The following NXPE2 variants were observed in gnomAD, a reference collection of about 807,000 sequenced individuals.
NXPE2 encodes the protein NXPE family member 2.
A neutral mutation model predicts 34.4 loss-of-function variants in NXPE2; 34 were observed. The observed-to-expected ratio is 0.99, with a 90% CI of 0.75 to 1.31. The LOEUF (loss-of-function observed/expected upper bound fraction) is 1.31, where lower values mean the gene tolerates loss of function less well. Ranked by LOEUF, NXPE2 falls within the 40% of genes most tolerant of loss-of-function variation. The pLI, the probability that NXPE2 is intolerant of heterozygous loss-of-function variation, is 0.00. For missense variants in NXPE2, 649 were observed against 672.5 expected, an observed-to-expected ratio of 0.97 and a Z score of 0.39; for synonymous variants, 235 against 231.3, an observed-to-expected ratio of 1.02 and a Z score of -0.15.
At chr11:114,518,147 C>T in the NXPE2 span, 1 of 152,214 alleles carries the variant, frequency 6.6e-6, no homozygotes, top group African/African-American at 2.4e-5. Flanking sequence ...ACCAGCACTC[C>T]TTTTTCCTTA....
chr11:114,729,676 C>G, the NXPE2 span, among the ~76,000 whole-genome samples: 5 of 152,020 alleles, frequency 3.3e-5, no homozygotes, highest in Non-Finnish European at 7.4e-5. Flanking sequence ...GGCATTTTTT[C>G]ACATTCGTTG....
At chr11:114,580,345 A>G in the NXPE2 span, 3 of 1,612,674 alleles carry the variant, frequency 1.9e-6, no homozygotes, top group African/African-American at 2.7e-5. Flanking sequence ...TCTTCTGCCA[A>G]AGAATCAATG....
the NXPE2 span, chr11:114,580,460 A>G: frequency 1.9e-5 from 14 of 744,612 alleles, 1 homozygote; most frequent in Admixed American, 2.7e-4. Context: ...TGGTGGAAAA[A>G]GTATTACTGA....
At chr11:114,565,264 TCTC>T in the NXPE2 span, among the ~76,000 whole-genome samples, 2 of 152,152 alleles carry the variant, frequency 1.3e-5, no homozygotes, top group Non-Finnish European at 2.9e-5. Context: ...TTGGATATAT[TCTC>T]CTAATAGAGA....
chr11:114,714,633 AG>A, the NXPE2 span, among the ~76,000 whole-genome samples: 1 of 152,198 alleles, frequency 6.6e-6, no homozygotes, highest in Non-Finnish European at 1.5e-5. Flanking sequence ...ATTTTCAGGC[AG>A]GTTCTTTACA....
chr11:114,750,879 G>A, the NXPE2 span, among the ~76,000 whole-genome samples: 1 of 152,152 alleles, frequency 6.6e-6, no homozygotes, highest in African/African-American at 2.4e-5. Flanking sequence ...GTATTAATCA[G>A]AGTAGACTAA....
chr11:114,811,617 C>T, the NXPE2 span, among the ~76,000 whole-genome samples: 1 of 152,164 alleles, frequency 6.6e-6, no homozygotes, highest in Admixed American at 6.5e-5. Flanking sequence ...GGTTGGGATT[C>T]AGGTAGGACT....
chr11:114,489,644 A>G, the NXPE2 span, among the ~76,000 whole-genome samples: 2 of 152,240 alleles, frequency 1.3e-5, no homozygotes, highest in Non-Finnish European at 2.9e-5. Context: ...AAGGCCTTTG[A>G]CAAAATTCAA....
chr11:114,579,293 C>G, the NXPE2 span, among the ~76,000 whole-genome samples: 1 of 152,186 alleles, frequency 6.6e-6, no homozygotes, highest in African/African-American at 2.4e-5. Flanking sequence ...GAGAGATCCA[C>G]CTCCGTGACC....
At chr11:114,469,109 C>CTTGTT in the NXPE2 span, among the ~76,000 whole-genome samples, 1 of 88,864 alleles carries the variant, frequency 1.1e-5, no homozygotes, top group Non-Finnish European at 2.0e-5. Context: ...ACAGTGCTAG[C>CTTGTT]TTTTTTTTTT....
the NXPE2 span, among the ~76,000 whole-genome samples, chr11:114,626,034 G>A: frequency 4.5e-4 from 69 of 152,352 alleles, no homozygotes; most frequent in Non-Finnish European, 6.8e-4. Context: ...TACGCCCACG[G>A]AGTCTCACTG....
At chr11:114,646,418 T>C in the NXPE2 span, among the ~76,000 whole-genome samples, 4 of 152,100 alleles carry the variant, frequency 2.6e-5, no homozygotes, top group African/African-American at 9.6e-5. Flanking sequence ...CAGTGAATTA[T>C]ATTTATAAAT....
chr11:114,761,804 G>A, the NXPE2 span, among the ~76,000 whole-genome samples: 2 of 151,670 alleles, frequency 1.3e-5, no homozygotes, highest in African/African-American at 4.8e-5. Context: ...TCGATCTCCT[G>A]ACCTCATGAT....
the NXPE2 span, among the ~76,000 whole-genome samples, chr11:114,586,793 A>G: frequency 6.6e-6 from 1 of 152,126 alleles, no homozygotes; most frequent in Non-Finnish European, 1.5e-5. Flanking sequence ...CCTATCCGCA[A>G]CTTCCATGTC....
At chr11:114,516,787 C>T in the NXPE2 span, among the ~76,000 whole-genome samples, 2 of 152,100 alleles carry the variant, frequency 1.3e-5, no homozygotes, top group African/African-American at 4.8e-5. Flanking sequence ...CCACCTTTTT[C>T]CTCTGGGTTA....
At chr11:114,757,509 G>A in the NXPE2 span, among the ~76,000 whole-genome samples, 191 of 152,024 alleles carry the variant, frequency 1.3e-3, 1 homozygote, top group African/African-American at 4.3e-3. Flanking sequence ...CTTTTATACC[G>A]CTTTCTCTCC....
At chr11:114,773,289 CA>C in the NXPE2 span, among the ~76,000 whole-genome samples, 3 of 44,270 alleles carry the variant, frequency 6.8e-5, no homozygotes, top group African/African-American at 1.7e-4. Flanking sequence ...ACCCCCCCCC[CA>C]CCCCATTCTG....
chr11:114,662,070 C>A, the NXPE2 span, among the ~76,000 whole-genome samples: 23 of 152,148 alleles, frequency 1.5e-4, no homozygotes, highest in Non-Finnish European at 1.0e-4. Context: ...ACAAAAGAAG[C>A]ACTTTTATAA....
chr11:114,543,410 G>A, the NXPE2 span, among the ~76,000 whole-genome samples: 4 of 149,640 alleles, frequency 2.7e-5, no homozygotes, highest in Non-Finnish European at 5.9e-5. Flanking sequence ...GGTGGTATGT[G>A]CCTGTAGCCC....
Sources: allele counts gnomAD v4.1 joint callset (sites outside exome capture counted in the v4.1 genomes callset), GRCh38; gene constraint gnomAD v4.1.1; transcripts MANE v1.5; gene names NCBI Gene and HGNC (gene_info 2026-07-23, HGNC 2026-07-21).